DNAH17: variants seen among roughly 807,000 people sequenced by gnomAD.
DNAH17 encodes axonemal beta dynein heavy chain 17.
A neutral mutation model predicts 485.6 loss-of-function variants in DNAH17; 376 were observed. The ratio of observed to expected loss-of-function variants is 0.77; its 90% CI spans 0.71 to 0.84. The LOEUF (loss-of-function observed/expected upper bound fraction) is 0.84, where lower values mean the gene tolerates loss of function less well. Ranked by LOEUF, DNAH17 falls within the 40% of genes least tolerant of loss-of-function variation. The pLI is 0.00. For missense variants in DNAH17, 6,370 were observed against 5,839.3 expected, an observed-to-expected ratio of 1.09 and a Z score of -2.96; for synonymous variants, 3,031 against 2,405.9, an observed-to-expected ratio of 1.26 and a Z score of -7.60.
rs374342904 is a variant in DNAH17, at chr17:78,454,437, G to A, written c.10406+33C>T. 2.6e-5 allele frequency: 40 copies of A among 1,567,362 alleles called. No homozygotes were observed. In the East Asian group the frequency reaches 3.0e-4, roughly 12 times the overall value. ...CTAAGGCGTGCTTCCAAGCAGAGCCGGGCTTCGGCCCAGGTCCTGCGCCCG... is the reference window on the plus strand; with the variant it reads ...CTAAGGCGTGCTTCCAAGCAGAGCCAGGCTTCGGCCCAGGTCCTGCGCCCG... On this transcript the variant is annotated intron_variant, in intron 64 of 80. Transcript: ENST00000389840.
chr17:78,479,559 G>C lies in DNAH17; in HGVS notation c.7826C>G (p.Thr2609Arg), dbSNP rs201786775. 6.2e-7 allele frequency: 1 copy of C among 1,613,648 alleles called. No individual in the cohort carries two copies. The highest frequency in any genetic ancestry group is 1.7e-4 in the Middle Eastern group (1 of 6,056). ...GACCGAGCGGAAGGCCAGGTGCTGC[G>C]TCAGGATTGTGTTGTAGATGGTGGT... ...ALTTIYNTIL[T>R]QHLAFRSVSM... is the part of the protein sequence containing the mutation. Residue 2609 changes from threonine to arginine, a missense_variant, in exon 50 of 81, where the codon ACG becomes AGG. By Grantham distance (71) the Thr-to-Arg change is moderately conservative. Coordinates refer to ENST00000389840, the MANE Select transcript of DNAH17 (RefSeq NM_173628.4).
chr17:78,521,393 C>T (rs746650362), intron 25 of DNAH17, among the ~76,000 whole-genome samples: 11 of 151,854 alleles, frequency 7.2e-5, no homozygotes, highest in Admixed American at 1.3e-4. Flanking sequence ...GTGACAAGAG[C>T]GACACTCCAT....
At chr17:78,552,567 C>T (rs1205685198) in intron 15 of DNAH17, 130 bp downstream of exon 15, 3 of 556,176 alleles carry the variant, frequency 5.4e-6, no homozygotes, top group Non-Finnish European at 9.6e-6. Context: ...TCCTTTAGCC[C>T]CCTTGAAGTT....
chr17:78,461,260 A>C (rs2088110250), intron 58 of DNAH17, among the ~76,000 whole-genome samples: 1 of 152,118 alleles, frequency 6.6e-6, no homozygotes. Flanking sequence ...GAGAGCCTGC[A>C]TTTCTCACAA....
At chr17:78,514,517 A>AAAAG (rs1555680393) in intron 26 of DNAH17, among the ~76,000 whole-genome samples, 2 of 149,486 alleles carry the variant, frequency 1.3e-5, no homozygotes, top group African/African-American at 4.9e-5. Context: ...AAAAAAAAAA[A>AAAAG]AAAAAGAAAA....
chr17:78,573,090 C>G (rs1326296290), intron 2 of DNAH17, among the ~76,000 whole-genome samples, 196 bp from the exon 3 acceptor site: 1 of 152,106 alleles, frequency 6.6e-6, no homozygotes, highest in African/African-American at 2.4e-5. Flanking sequence ...GATCCTTCTT[C>G]CAGAAGGAGG....
intron 17 of DNAH17, 162 bp downstream of exon 17, chr17:78,543,695 G>C (rs2091668087): frequency 2.8e-6 from 3 of 1,055,408 alleles, no homozygotes; most frequent in Admixed American, 1.8e-5. Flanking sequence ...AGAGTGCTGG[G>C]ATTACAGGTG....
Position 78,459,100 on chromosome 17 carries a change from G to C in DNAH17, c.9762C>G (p.Val3254=), listed in dbSNP as rs1170774701. The C allele has an allele frequency of 5.0e-6, 8 of 1,614,032 alleles. No homozygotes were observed. The highest frequency in any genetic ancestry group is 6.8e-6 in the Non-Finnish European group (8 of 1,179,902). ...WCINIVRFYE[V]YCDVAPKRQA... ...GCCTCTTGGGCGCCACGTCGCAGTA[G>C]ACCTCGTAGAAGCGGACGATGTTGA... The change falls in exon 61 of 81, where the codon GTC becomes GTG. Residue 3254 remains valine (V), a synonymous_variant. Coordinates refer to ENST00000389840, the MANE Select transcript of DNAH17 (RefSeq NM_173628.4).
At chr17:78,569,552 C>T in intron 7 of DNAH17, 25 bp from the exon 8 acceptor site, 1 of 1,590,866 alleles carries the variant, frequency 6.3e-7, no homozygotes, top group South Asian at 1.1e-5. Flanking sequence ...AGACAGACAT[C>T]TAAAGCTCCG....
At chr17:78,482,695 G>A (rs957478957) in intron 48 of DNAH17, among the ~76,000 whole-genome samples, 1 of 152,084 alleles carries the variant, frequency 6.6e-6, no homozygotes, top group South Asian at 2.1e-4. Flanking sequence ...CCCCACCCTT[G>A]TCTGCCTTTT....
chr17:78,486,699 A>G (rs1212788538), intron 44 of DNAH17, among the ~76,000 whole-genome samples, 193 bp from the exon 45 acceptor site: 1 of 152,126 alleles, frequency 6.6e-6, no homozygotes, highest in East Asian at 1.9e-4. Flanking sequence ...GGGTCGGAGG[A>G]GGATGCCAGG....
intron 72 of DNAH17, 107 bp from the exon 73 acceptor site, chr17:78,439,324 G>T: frequency 2.2e-6 from 3 of 1,334,886 alleles, no homozygotes; most frequent in Non-Finnish European, 3.0e-6. Context: ...ATTTAGTTTC[G>T]GTGGTGAAAT....
Position 78,444,589 on chromosome 17 carries a change from C to T in DNAH17, c.11528+15G>A, listed in dbSNP as rs770580737. On this transcript the variant is annotated intron_variant, in intron 71 of 80. Transcript: ENST00000389840. ...GGCCTCGGGGGCGGGGCCCCCGGCG[C>T]GGCGGGACACTCACTTGATAGCGTA... is the stretch of plus-strand genomic sequence containing the variant. The T allele has an allele frequency of 1.0e-4, 159 of 1,538,220 alleles. No homozygotes were observed. Among genetic ancestry groups the T allele is most frequent in the East Asian group, 2.5e-4 (10 of 40,534 alleles).
At chr17:78,556,856 G>T (rs569864463) in intron 14 of DNAH17, among the ~76,000 whole-genome samples, 10 of 152,208 alleles carry the variant, frequency 6.6e-5, no homozygotes, top group Non-Finnish European at 1.3e-4. Flanking sequence ...GAAGAATGGT[G>T]CTACATGCAA....
At chr17:78,565,819 G>A (rs1213630770) in intron 11 of DNAH17, among the ~76,000 whole-genome samples, 2 of 152,070 alleles carry the variant, frequency 1.3e-5, no homozygotes, top group African/African-American at 2.4e-5. Context: ...GTGTGGTGGC[G>A]TATGCCTATA....
intron 25 of DNAH17, chr17:78,522,703 CAA>C: frequency 5.0e-6 from 1 of 198,892 alleles, no homozygotes; most frequent in Non-Finnish European, 1.1e-5. Context: ...TCAGAGAATG[CAA>C]AAAAGACATC....
At position 78,458,632 on chromosome 17, in the gene DNAH17, T is replaced by C; in HGVS notation, c.9910A>G (p.Thr3304Ala). The change falls in exon 62 of 81, where the codon ACA (threonine) becomes GCA (alanine). Residue 3304 changes from threonine (T) to alanine (A), a missense_variant. Coordinates refer to ENST00000389840, the MANE Select transcript of DNAH17 (RefSeq NM_173628.4). Reference sequence around the variant, plus strand: ...TGCTGACACTTGATTTTCTCAGCTGTTGCTTTTTCAAACGCTGAGGTTAGG... The same window carrying C: ...TGCTGACACTTGATTTTCTCAGCTGCTGCTTTTTCAAACGCTGAGGTTAGG... The part of the protein sequence containing the change: ...SNLTSAFEKA[T>A]AEKIKCQQEA... The C allele has an allele frequency of 6.2e-7, 1 of 1,614,040 alleles. No homozygotes were observed. The highest frequency in any genetic ancestry group is 8.5e-7 in the Non-Finnish European group (1 of 1,179,888).
intron 48 of DNAH17, among the ~76,000 whole-genome samples, chr17:78,482,553 G>C (rs1045134591): frequency 1.3e-5 from 2 of 151,888 alleles, no homozygotes; most frequent in African/African-American, 2.4e-5. Flanking sequence ...TTGCCCTTCT[G>C]TGTGTGCCTC....
rs1356589806 is a variant in DNAH17, at chr17:78,485,981, C to G, written c.7254G>C (p.Leu2418=). ...TTACCTGCAGTGGGACATCGGGATC[C>G]AGCTCAAAGGAGGGCACTTTATCTG... is the stretch of plus-strand genomic sequence containing the variant. ...PWTDKVPSFE[L]DPDVPLQASL... Residue 2418 remains leucine, a synonymous_variant, in exon 46 of 81, where the codon CTG becomes CTC. Coordinates refer to ENST00000389840, the MANE Select transcript of DNAH17 (RefSeq NM_173628.4). 1.2e-6 allele frequency: 2 copies of G among 1,612,658 alleles called. No homozygotes were observed.
Sources: gnomAD v4.1 joint callset for allele counts (sites outside exome capture counted in the v4.1 genomes callset) on GRCh38, gnomAD v4.1.1 for gene constraint, MANE v1.5 for transcripts, NCBI Gene and HGNC (gene_info 2026-07-23, HGNC 2026-07-21) for gene names.